The following UBR4 variants were observed in gnomAD, a reference collection of about 807,000 sequenced individuals.
UBR4 encodes the protein ubiquitin protein ligase E3 component n-recognin 4, also known as E3 ubiquitin-protein ligase UBR4.
Under a neutral mutation model 575.6 loss-of-function variants are expected in UBR4, and 124 were observed. The ratio of observed to expected loss-of-function variants is 0.22; its 90% confidence interval spans 0.19 to 0.25. The LOEUF is 0.25. UBR4 is among the 10% of genes least tolerant of loss of function. The pLI is 1.00. For synonymous variants in UBR4, 2,455 were observed against 2,473.7 expected (o/e 0.99, Z 0.22); for missense variants, 4,818 against 6,478.8 (o/e 0.74, Z 8.80).
At chr1:19,142,277 T>C (rs186226689) in intron 55 of UBR4, among the ~76,000 whole-genome samples, 17 of 152,286 alleles carry the variant, frequency 1.1e-4, no homozygotes, top group Admixed American at 2.6e-4. Context: ...TGTAAAACCA[T>C]TGACTGGAAA....
intron 93 of UBR4, among the ~76,000 whole-genome samples, chr1:19,095,326 G>C (rs1483491435): frequency 1.3e-5 from 2 of 152,194 alleles, no homozygotes; most frequent in Non-Finnish European, 2.9e-5. Context: ...AAAGGAGCAA[G>C]GAAGCTCTTG....
Position 19,161,885 on chromosome 1 carries a change from G to A in UBR4, c.4969C>T (p.Leu1657Phe), listed in dbSNP as rs2087421773. ...GTAAAAGTGCAGAGTTTATTGCAAA[G>A]AGAATCTTCATCCTTCAAAAATAAT... ...SQAEDSDEDS[L>F]CNKLCTFTIT... The change falls in exon 36 of 106, where the codon CTT becomes TTT. Residue 1657 changes from leucine to phenylalanine, a missense_variant. By Grantham distance (22) the Leu-to-Phe change is conservative. Coordinates refer to ENST00000375254, the MANE Select transcript of UBR4 (RefSeq NM_020765.3). The A allele has an allele frequency of 6.2e-7, 1 of 1,614,178 alleles. No individual in the cohort carries two copies. Among genetic ancestry groups the A allele is most frequent in the South Asian group, 1.1e-5 (1 of 91,080 alleles).
At chr1:19,156,965 C>T (rs753108810) in intron 40 of UBR4, 40 bp from the exon 41 acceptor site, 8 of 1,599,016 alleles carry the variant, frequency 5.0e-6, no homozygotes, top group Non-Finnish European at 6.8e-6. Flanking sequence ...TACTCCTGGT[C>T]CTCTCAGAGA....
intron 65 of UBR4, 51 bp downstream of exon 65, chr1:19,124,490 T>C (rs2081517734): frequency 6.2e-7 from 1 of 1,604,546 alleles, no homozygotes. Flanking sequence ...CAGAGGTGAA[T>C]GCAGATGTGT....
chr1:19,144,984 A>T, intron 53 of UBR4, 77 bp from the exon 54 acceptor site: 1 of 1,567,404 alleles, frequency 6.4e-7, no homozygotes, highest in Non-Finnish European at 8.7e-7. Context: ...ACAAAAGTGT[A>T]ACCTTTTATC....
At chr1:19,144,113 T>C in intron 54 of UBR4, 22 bp from the exon 55 acceptor site, 1 of 1,603,020 alleles carries the variant, frequency 6.2e-7, no homozygotes, top group South Asian at 1.1e-5. Context: ...AAGGAAACTG[T>C]CACGCTTTGC....
chr1:19,080,668 G>A (rs1244265855), intron 103 of UBR4: 1 of 152,220 alleles, frequency 6.6e-6, no homozygotes, highest in Non-Finnish European at 1.5e-5. Context: ...AGACTGTGTG[G>A]GGCCATTGGC....
At chr1:19,197,870 T>A in intron 6 of UBR4, 59 bp from the exon 7 acceptor site, 1 of 1,612,230 alleles carries the variant, frequency 6.2e-7, no homozygotes, top group African/African-American at 1.3e-5. Context: ...TTGATTCTTA[T>A]CCATATGACA....
intron 15 of UBR4, 57 bp from the exon 16 acceptor site, chr1:19,184,232 T>C: frequency 6.5e-7 from 1 of 1,548,742 alleles, no homozygotes; most frequent in Non-Finnish European, 8.7e-7. Context: ...AGCGTTCCTA[T>C]AAACTCTGAT....
At chr1:19,116,874 C>A (rs2080601541) in intron 73 of UBR4, among the ~76,000 whole-genome samples, 1 of 152,204 alleles carries the variant, frequency 6.6e-6, no homozygotes, top group South Asian at 2.1e-4. Flanking sequence ...ATGACAATTA[C>A]TTCCCAATAC....
rs1352778651 is a variant in UBR4, at chr1:19,153,623, G to C, written c.6631-121C>G. 6.9e-7 allele frequency: 1 copy of C among 1,454,374 alleles called. No homozygotes were observed. Among genetic ancestry groups the C allele is most frequent in the Non-Finnish European group, 9.4e-7 (1 of 1,067,288 alleles). 90.1% of individuals were successfully genotyped at this position (1,454,374 alleles called of 1,614,324 possible). On this transcript the variant is annotated intron_variant, in intron 45 of 105. Coordinates refer to ENST00000375254, the MANE Select transcript of UBR4 (RefSeq NM_020765.3). The surrounding 1 kb of genome is among the most constrained non-coding windows in gnomAD (Gnocchi z 4.1). Reference sequence around the variant, plus strand: ...AGTTGAGGGGCTGTACAGAAGGGTGGCAAAGAAAAGGCATCTAGAAGAAAA... The same window carrying C: ...AGTTGAGGGGCTGTACAGAAGGGTGCCAAAGAAAAGGCATCTAGAAGAAAA...
At chr1:19,104,435 A>T (rs2149141820) in intron 86 of UBR4, 150 bp downstream of exon 86, 2 of 1,128,730 alleles carry the variant, frequency 1.8e-6, no homozygotes, top group South Asian at 3.1e-5. Flanking sequence ...AAAATCATAA[A>T]CGTATCAATA....
intron 25 of UBR4, among the ~76,000 whole-genome samples, chr1:19,172,537 A>G (rs550686618): frequency 6.6e-6 from 1 of 152,344 alleles, no homozygotes; most frequent in Non-Finnish European, 1.5e-5. Context: ...TTTTTTAATA[A>G]TAATAAATAA....
intron 1 of UBR4, among the ~76,000 whole-genome samples, chr1:19,209,240 G>C (rs1345052863): frequency 6.6e-6 from 1 of 152,178 alleles, no homozygotes; most frequent in Non-Finnish European, 1.5e-5. Context: ...CTAGAAAAAT[G>C]AAAGTCAGTC....
At chr1:19,184,289 C>A (rs2091310735) in intron 15 of UBR4, 114 bp from the exon 16 acceptor site, 1 of 1,134,876 alleles carries the variant, frequency 8.8e-7, no homozygotes. Context: ...GCAATAAACA[C>A]AATGAATGAA....
At chr1:19,193,657 T>G (rs2092267198) in intron 8 of UBR4, 100 bp from the exon 9 acceptor site, 1 of 1,433,340 alleles carries the variant, frequency 7.0e-7, no homozygotes, top group Non-Finnish European at 9.3e-7. Context: ...AATTCCATGA[T>G]TTGACTACTT....
intron 101 of UBR4, 117 bp from the exon 102 acceptor site, chr1:19,084,815 C>T (rs538811552): frequency 3.2e-5 from 32 of 989,882 alleles, no homozygotes; most frequent in Non-Finnish European, 4.3e-5. Context: ...GGTTTGCAAA[C>T]GGAGACAAGA....
chr1:19,124,006 T>C (rs768669746), intron 65 of UBR4, among the ~76,000 whole-genome samples: 10 of 152,200 alleles, frequency 6.6e-5, no homozygotes, highest in Non-Finnish European at 1.2e-4. Flanking sequence ...GGCTTGCTTC[T>C]TCCCATCTGC....
chr1:19,094,381 T>C (rs1041676498), intron 94 of UBR4, among the ~76,000 whole-genome samples: 1 of 152,224 alleles, frequency 6.6e-6, no homozygotes, highest in East Asian at 1.9e-4. Context: ...CAATACAATC[T>C]TCCCTCCCTG....
Sources: allele counts gnomAD v4.1 joint callset (sites outside exome capture counted in the v4.1 genomes callset), GRCh38; gene constraint gnomAD v4.1.1; non-coding constraint Gnocchi (gnomAD v3.1); transcripts MANE v1.5; gene names NCBI Gene and HGNC (gene_info 2026-07-23, HGNC 2026-07-21).